Variants in CWC27 observed in about 807,000 individuals in gnomAD.
The protein encoded by CWC27 is CWC27 spliceosome associated cyclophilin, also known as spliceosome-associated protein CWC27 homolog.
A neutral mutation model predicts 63.6 loss-of-function variants in CWC27; 47 were observed. The ratio of observed to expected loss-of-function variants is 0.74; its 90% CI spans 0.58 to 0.94. The LOEUF is 0.94. CWC27 is among the 40% of genes least tolerant of loss of function. The pLI, the probability that CWC27 is intolerant of heterozygous loss-of-function variation, is 0.00. For synonymous variants in CWC27, 175 were observed against 179.8 expected, an observed-to-expected ratio of 0.97 and a Z score of 0.22; for missense variants, 495 against 554.3, an observed-to-expected ratio of 0.89 and a Z score of 1.07.
chr5:65,005,116 AT>A (rs2112469473), intron 13 of CWC27, among the ~76,000 whole-genome samples: 1 of 151,724 alleles, frequency 6.6e-6, no homozygotes, highest in East Asian at 1.9e-4. Context: ...AGGTGGGTTG[AT>A]CCATGGGTAC....
chr5:64,869,494 C>G (rs925825550), intron 10 of CWC27, among the ~76,000 whole-genome samples: 4 of 151,982 alleles, frequency 2.6e-5, no homozygotes, highest in Non-Finnish European at 5.9e-5. Context: ...CAGGTGGTAA[C>G]AGAGTAGGAA....
In CWC27 at chr5:64,884,714, A is replaced by G. The variant is rs141363939; in HGVS notation, c.939-729A>G. ...CAAGTAACCCTAAGGGTTTATGATA[A>G]TGAGTAGTTAATAATTCTTTGCAAG... is the stretch of plus-strand genomic sequence containing the variant. On this transcript the variant is annotated intron_variant, in intron 10 of 13. Coordinates refer to ENST00000381070, the MANE Select transcript of CWC27 (RefSeq NM_005869.4). Among the ~76,000 whole-genome samples the G allele has an allele frequency of 3.4e-4, 52 of 152,324 alleles. 1 individual carries two copies. In the East Asian group the frequency reaches 9.2e-3, roughly 27 times the overall value.
At chr5:64,804,545 T>C in intron 10 of CWC27, 159 bp downstream of exon 10, 1 of 611,702 alleles carries the variant, frequency 1.6e-6, no homozygotes, top group Admixed American at 3.2e-5. Flanking sequence ...AGGCCTAAAA[T>C]AAAATACACC....
At chr5:64,947,692 T>C (rs1298554305) in intron 11 of CWC27, among the ~76,000 whole-genome samples, 2 of 152,118 alleles carry the variant, frequency 1.3e-5, no homozygotes, top group African/African-American at 4.8e-5. Context: ...ATGGTGATCT[T>C]CTAGAAAGAG....
chr5:64,977,091 ATTTATC>A (rs762937885), intron 12 of CWC27, 38 bp from the exon 13 acceptor site: 1 of 1,152,476 alleles, frequency 8.7e-7, no homozygotes, highest in Non-Finnish European at 1.2e-6. Context: ...TTAAAATTAT[ATTTATC>A]TTTATCAGAA....
chr5:64,912,023 G>A (rs1364337427), intron 11 of CWC27, among the ~76,000 whole-genome samples: 4 of 147,546 alleles, frequency 2.7e-5, no homozygotes, highest in Admixed American at 6.9e-5. Context: ...GCAGTGAGCC[G>A]AGATCGTGCC....
intron 13 of CWC27, among the ~76,000 whole-genome samples, chr5:64,981,775 T>G (rs2112450744): frequency 6.6e-6 from 1 of 152,336 alleles, no homozygotes; most frequent in Non-Finnish European, 1.5e-5. Flanking sequence ...TTTTTAAAAA[T>G]AAAAACAGTG....
rs1279933129 is a variant in CWC27, at chr5:64,784,688, C to T, written c.396+709C>T. ...GAAAGGGAAAAAAACAAATTCAGTA[C>T]AATTGGAAAGCTGGTGTTGTTTTAA... On this transcript the variant is annotated intron_variant, in intron 4 of 13. Transcript: ENST00000381070. Among the ~76,000 whole-genome samples, 3 of 152,106 alleles carry T rather than the reference C, an allele frequency of 2.0e-5. No individual in the cohort carries two copies. In the East Asian group the frequency reaches 5.8e-4, roughly 29 times the overall value.
chr5:64,811,925 ATCT>A (rs1340232518), intron 10 of CWC27, among the ~76,000 whole-genome samples: 1 of 151,974 alleles, frequency 6.6e-6, no homozygotes, highest in Non-Finnish European at 1.5e-5. Flanking sequence ...AGTGTTTCAG[ATCT>A]TCTTTTGTTG....
At chr5:64,785,454 A>G (rs769844016) in intron 4 of CWC27, 27 bp from the exon 5 acceptor site, 27 of 1,126,550 alleles carry the variant, frequency 2.4e-5, no homozygotes, top group Non-Finnish European at 3.1e-5. Context: ...AATAATTTTC[A>G]ATTACATTAT....
At chr5:64,843,651 A>C (rs1375330023) in intron 10 of CWC27, among the ~76,000 whole-genome samples, 1 of 152,120 alleles carries the variant, frequency 6.6e-6, no homozygotes, top group African/African-American at 2.4e-5. Context: ...GAAGAGAAAA[A>C]CCTTATTTTC....
At chr5:64,839,861 T>G (rs1745756081) in intron 10 of CWC27, among the ~76,000 whole-genome samples, 1 of 150,732 alleles carries the variant, frequency 6.6e-6, no homozygotes, top group Admixed American at 6.6e-5. Flanking sequence ...AAAAAAGAAG[T>G]GGCAACTTGA....
chr5:64,903,954 T>C (rs1201817221), intron 11 of CWC27, among the ~76,000 whole-genome samples: 5 of 152,226 alleles, frequency 3.3e-5, no homozygotes, highest in African/African-American at 1.2e-4. Flanking sequence ...ATATAACACA[T>C]TTTGTTTATC....
At chr5:64,938,933 C>T (rs1441337466) in intron 11 of CWC27, among the ~76,000 whole-genome samples, 4 of 152,078 alleles carry the variant, frequency 2.6e-5, no homozygotes, top group African/African-American at 7.2e-5. Flanking sequence ...ATGAAGTTCT[C>T]GTGATGTGTT....
At chr5:64,777,060 G>T (rs1418379969) in intron 2 of CWC27, among the ~76,000 whole-genome samples, 1 of 152,072 alleles carries the variant, frequency 6.6e-6, no homozygotes, top group Non-Finnish European at 1.5e-5. Flanking sequence ...TATTAGCTTT[G>T]ATAATTTCAT....
intron 11 of CWC27, among the ~76,000 whole-genome samples, chr5:64,970,954 A>G (rs376387760): frequency 2.4e-5 from 3 of 122,906 alleles, no homozygotes; most frequent in Non-Finnish European, 4.9e-5. Context: ...AGAGAGAGAG[A>G]GGGAGTGTGT....
chr5:64,981,164 T>A (rs1023970598), intron 13 of CWC27, among the ~76,000 whole-genome samples: 1 of 152,240 alleles, frequency 6.6e-6, no homozygotes, highest in Non-Finnish European at 1.5e-5. Context: ...AAATGAGAAT[T>A]ACCTATGATC....
chr5:64,821,724 C>T lies in CWC27; in HGVS notation c.938+17338C>T, dbSNP rs9291826. Among the ~76,000 whole-genome samples, 1,401 of 152,188 alleles carry T rather than the reference C, an allele frequency of 9.2e-3. 28 individuals are homozygous for T. The highest frequency in any genetic ancestry group is 0.033 in the African/African-American group (1,351 of 41,532). The stretch of plus-strand genomic sequence containing the variant: ...AAGAATGGTGAAGTTAGAGAGCTTT[C>T]CCACCTTTCCCTAATTGTGTTTTTA... On this transcript the variant is annotated intron_variant, in intron 10 of 13. Coordinates refer to ENST00000381070, the MANE Select transcript of CWC27 (RefSeq NM_005869.4).
At chr5:64,792,712 C>T (rs1471309332) in intron 7 of CWC27, among the ~76,000 whole-genome samples, 1 of 152,060 alleles carries the variant, frequency 6.6e-6, no homozygotes, top group Non-Finnish European at 1.5e-5. Context: ...GAGTCCTGGG[C>T]TGTGAGCTTG....
Sources: gnomAD v4.1 joint callset for allele counts (sites outside exome capture counted in the v4.1 genomes callset) on GRCh38, gnomAD v4.1.1 for gene constraint, MANE v1.5 for transcripts, NCBI Gene and HGNC (gene_info 2026-07-23, HGNC 2026-07-21) for gene names.